APH1B: variants seen among roughly 807,000 people sequenced by gnomAD.
The protein encoded by APH1B is aph-1B gamma-secretase subunit.
APH1B carries 27 observed loss-of-function variants against 28.2 expected under a neutral mutation model. The ratio of observed to expected loss-of-function variants is 0.96; its 90% CI spans 0.70 to 1.32. APH1B has a LOEUF of 1.32. Among genes scored for constraint, APH1B ranks in the 40% most tolerant of loss-of-function variants. APH1B has a pLI of 0.00. For missense variants in APH1B, 305 were observed against 313.6 expected, an observed-to-expected ratio of 0.97 and a Z score of 0.21; for synonymous variants, 141 against 124.6, an observed-to-expected ratio of 1.13 and a Z score of -0.88.
At chr15:63,293,768 A>G (rs143368652) in intron 4 of APH1B, among the ~76,000 whole-genome samples, 284 of 151,344 alleles carry the variant, frequency 1.9e-3, no homozygotes, top group African/African-American at 6.3e-3. Flanking sequence ...AGTGTGGCCT[A>G]TTTGTTTATG....
intron 5 of APH1B, among the ~76,000 whole-genome samples, 190 bp downstream of exon 5, chr15:63,302,662 T>C (rs1193486114): frequency 1.3e-5 from 2 of 152,214 alleles, no homozygotes; most frequent in African/African-American, 4.8e-5. Flanking sequence ...TTTTGGTGTG[T>C]CTTATTGAAA....
At chr15:63,299,862 C>T (rs748073211) in intron 4 of APH1B, among the ~76,000 whole-genome samples, 26 of 151,752 alleles carry the variant, frequency 1.7e-4, no homozygotes, top group Non-Finnish European at 2.5e-4. Flanking sequence ...GGCCAGAAAA[C>T]GGAGAAGGTG....
At chr15:63,284,582 CG>C (rs11336409) in intron 2 of APH1B, among the ~76,000 whole-genome samples, 152,329 of 152,346 alleles carry the variant, frequency 1, 76,156 homozygotes, top group Middle Eastern at 1. Flanking sequence ...ACCACAAACA[CG>C]GGGGGTGATG....
At chr15:63,278,433 T>A (rs2038349659) in intron 1 of APH1B, 1 of 447,460 alleles carries the variant, frequency 2.2e-6, no homozygotes, top group Admixed American at 2.4e-5. Context: ...CCTCCTCTGA[T>A]GAGTCTCTCT....
At chr15:63,297,907 A>G (rs11857261) in intron 4 of APH1B, among the ~76,000 whole-genome samples, 123,149 of 152,124 alleles carry the variant, frequency 0.81, 50,322 homozygotes, top group Non-Finnish European at 0.87. Flanking sequence ...ACGAGAGCTG[A>G]CTGCATAAAT....
At chr15:63,291,171 A>G (rs1379571022) in intron 4 of APH1B, among the ~76,000 whole-genome samples, 1 of 152,214 alleles carries the variant, frequency 6.6e-6, no homozygotes, top group African/African-American at 2.4e-5. Context: ...AAACTGGCCT[A>G]AGAATATTAT....
chr15:63,283,435 G>T (rs1277556541), intron 2 of APH1B, among the ~76,000 whole-genome samples: 2 of 152,144 alleles, frequency 1.3e-5, no homozygotes, highest in South Asian at 2.1e-4. Flanking sequence ...TCCTTATGTT[G>T]CCCAGGCTGG....
At chr15:63,285,462 C>G (rs1303975319) in intron 2 of APH1B, among the ~76,000 whole-genome samples, 1 of 152,090 alleles carries the variant, frequency 6.6e-6, no homozygotes, top group Non-Finnish European at 1.5e-5. Flanking sequence ...TTCTTTGAGT[C>G]AGGATCTTAC....
At chr15:63,294,886 C>T (rs2038547486) in intron 4 of APH1B, among the ~76,000 whole-genome samples, 2 of 152,212 alleles carry the variant, frequency 1.3e-5, no homozygotes, top group African/African-American at 2.4e-5. Flanking sequence ...ATACTGCTGA[C>T]TTCTTATCAG....
chr15:63,287,514 A>C lies in APH1B; in HGVS notation c.446A>C (p.His149Pro). 2 of 1,613,984 alleles carry C rather than the reference A, an allele frequency of 1.2e-6. No homozygotes were observed. The highest frequency in any genetic ancestry group is 2.2e-5 in the East Asian group (1 of 44,882). Reference sequence around the variant, plus strand: ...TTGGGGCCAGGCACAGTGGGCATTCATGGAGATTCTCCTCAATTCTTCCTT... The same window carrying C: ...TTGGGGCCAGGCACAGTGGGCATTCCTGGAGATTCTCCTCAATTCTTCCTT... ...DSLGPGTVGI[H>P]GDSPQFFLYS... Residue 149 changes from histidine (H) to proline (P), a missense_variant, in exon 4 of 6, where the codon CAT (histidine) becomes CCT (proline). Coordinates refer to ENST00000261879, the MANE Select transcript of APH1B (RefSeq NM_031301.4).
Position 63,287,551 on chromosome 15 carries a change from G to T in APH1B, c.478+5G>T. ...CTCAATTCTTCCTTTATTCAGGTAT[G>T]TGTCTCATAGCTGTCAACATTCAGG... is the stretch of plus-strand genomic sequence containing the variant. On this transcript the variant is annotated splice_donor_5th_base_variant and intron_variant, in intron 4 of 5. Transcript: ENST00000261879. The T allele has an allele frequency of 2.5e-6, 4 of 1,613,530 alleles. No homozygotes were observed. The highest frequency in any genetic ancestry group is 3.4e-6 in the Non-Finnish European group (4 of 1,179,636).
chr15:63,283,654 C>T (rs2152593426), intron 2 of APH1B, among the ~76,000 whole-genome samples: 1 of 152,288 alleles, frequency 6.6e-6, no homozygotes, highest in African/African-American at 2.4e-5. Context: ...TCTTCACTTT[C>T]TTGATAGTGT....
intron 2 of APH1B, among the ~76,000 whole-genome samples, chr15:63,283,762 A>C (rs1007533062): frequency 4.6e-5 from 7 of 152,142 alleles, no homozygotes; most frequent in African/African-American, 7.2e-5. Context: ...AGAAACCATT[A>C]CCCAACCCAC....
intron 1 of APH1B, 61 bp downstream of exon 1, chr15:63,277,797 C>T (rs1436358812): frequency 1.3e-6 from 2 of 1,513,476 alleles, no homozygotes; most frequent in East Asian, 2.4e-5. Flanking sequence ...TGGGGTTACC[C>T]GCGACCCTCG....
At chr15:63,296,461 C>T (rs541028001) in intron 4 of APH1B, among the ~76,000 whole-genome samples, 1 of 152,266 alleles carries the variant, frequency 6.6e-6, no homozygotes, top group Non-Finnish European at 1.5e-5. Flanking sequence ...TAGGTGATGG[C>T]AGTTTCTGTG....
At chr15:63,300,161 G>C (rs1211529686) in intron 4 of APH1B, among the ~76,000 whole-genome samples, 1 of 151,956 alleles carries the variant, frequency 6.6e-6, no homozygotes, top group Non-Finnish European at 1.5e-5. Context: ...TCTGGTCAGG[G>C]GTCAAGAAGC....
At chr15:63,278,434 G>T (rs1459280739) in intron 1 of APH1B, 3 of 447,150 alleles carry the variant, frequency 6.7e-6, no homozygotes, top group Admixed American at 2.4e-5. Context: ...CTCCTCTGAT[G>T]AGTCTCTCTT....
rs1463519966 is a variant in APH1B at position 63,307,303 on chromosome 15, C to T, written c.*1522C>T. The T allele has an allele frequency of 6.6e-6, 1 of 152,114 alleles. No homozygotes were observed. The highest frequency in any genetic ancestry group is 1.9e-4 in the East Asian group (1 of 5,196). The allele number at this position is 152,114 out of a possible 1,614,324, so 9.4% of individuals were successfully genotyped here. On this transcript the variant is annotated 3_prime_UTR_variant, in exon 6 of 6. Coordinates refer to ENST00000261879, the MANE Select transcript of APH1B (RefSeq NM_031301.4). ...CATCATTCCAGAGACCAAAACCTTACTCATGAACTAGACCTTTATCGATAT... is the reference window on the plus strand; with the variant it reads ...CATCATTCCAGAGACCAAAACCTTATTCATGAACTAGACCTTTATCGATAT...
At chr15:63,298,057 T>A (rs2038586396) in intron 4 of APH1B, among the ~76,000 whole-genome samples, 1 of 152,200 alleles carries the variant, frequency 6.6e-6, no homozygotes, top group South Asian at 2.1e-4. Context: ...ATAGTCCCAG[T>A]GGCTAGAAAG....
Sources: gnomAD v4.1 joint callset for allele counts (sites outside exome capture counted in the v4.1 genomes callset) on GRCh38, gnomAD v4.1.1 for gene constraint, MANE v1.5 for transcripts, NCBI Gene and HGNC (gene_info 2026-07-23, HGNC 2026-07-21) for gene names.